The following CHN1 variants were observed in gnomAD, a reference collection of about 807,000 sequenced individuals.
CHN1 encodes N-chimaerin.
In CHN1, 37 loss-of-function variants were observed where a neutral mutation model predicts 59.5. The ratio of observed to expected loss-of-function variants is 0.62; its 90% CI spans 0.48 to 0.82. CHN1 has a LOEUF of 0.82. Among genes scored for constraint, CHN1 ranks in the 40% least tolerant of loss-of-function variants. CHN1 has a pLI of 0.00. For missense variants in CHN1, 469 were observed against 571.0 expected, an observed-to-expected ratio of 0.82 and a Z score of 1.82; for synonymous variants, 206 against 200.4, an observed-to-expected ratio of 1.03 and a Z score of -0.24.
intron 1 of CHN1, among the ~76,000 whole-genome samples, 186 bp downstream of exon 1, chr2:175,004,708 G>A (rs958368825): frequency 1.2e-4 from 18 of 152,034 alleles, no homozygotes; most frequent in South Asian, 2.1e-4. Flanking sequence ...CCTGCCGGGA[G>A]AGGAAACAAT....
At chr2:174,845,385 G>T (rs1193437444) in intron 7 of CHN1, among the ~76,000 whole-genome samples, 1 of 151,984 alleles carries the variant, frequency 6.6e-6, no homozygotes, top group Non-Finnish European at 1.5e-5. Flanking sequence ...GATTTATTTG[G>T]GGTCATTTTC....
chr2:174,994,275 C>A (rs1313795541), intron 1 of CHN1, among the ~76,000 whole-genome samples: 1 of 152,090 alleles, frequency 6.6e-6, no homozygotes, highest in African/African-American at 2.4e-5. Context: ...TTGGGGAATC[C>A]ATATTAGAAT....
chr2:175,001,986 A>C (rs1231452026), intron 1 of CHN1, among the ~76,000 whole-genome samples: 2 of 152,236 alleles, frequency 1.3e-5, no homozygotes. Flanking sequence ...ATTAGTTAAT[A>C]GTTAAGTGCC....
intron 7 of CHN1, among the ~76,000 whole-genome samples, chr2:174,832,966 A>G (rs1315120421): frequency 6.6e-6 from 1 of 152,144 alleles, no homozygotes; most frequent in Admixed American, 6.5e-5. Flanking sequence ...TTATACTCTT[A>G]TGGGACCACT....
rs138064942 is a variant in CHN1 at position 174,830,232 on chromosome 2, CAAAAAAA to C, written c.628-5721_628-5715del. On this transcript the variant is annotated intron_variant, in intron 7 of 12. Transcript: ENST00000409900. Reference sequence around the variant, plus strand: ...TGGGCTACAGAGCAAGACTCTGTCTCAAAAAAAAATAAAAAATAAAAAAATCATACCC... The same window carrying C: ...TGGGCTACAGAGCAAGACTCTGTCTCAATAAAAAATAAAAAAATCATACCC... Among the ~76,000 whole-genome samples, 594 of 148,604 alleles carry C rather than the reference CAAAAAAA, an allele frequency of 4.0e-3. 4 individuals are homozygous for C. Among genetic ancestry groups the C allele is most frequent in the African/African-American group, 0.014 (569 of 40,464 alleles).
chr2:174,806,185 G>C lies in CHN1; in HGVS notation c.1102+2720C>G, dbSNP rs573492679. On this transcript the variant is annotated intron_variant, in intron 11 of 12. Coordinates refer to ENST00000409900, the MANE Select transcript of CHN1 (RefSeq NM_001822.7). ...ACACAGACTTCAGGTGGGTTCATCA[G>C]GGAGTTTCCAGGGGCTTTGGAAGAA... 1.5e-4 allele frequency among the ~76,000 whole-genome samples: 23 copies of C among 152,256 alleles called. No individual in the cohort carries two copies. The South Asian group carries it at 3.9e-3, about 26-fold the overall frequency.
chr2:174,885,289 AAAATAT>A (rs1438537202), intron 5 of CHN1, among the ~76,000 whole-genome samples: 1 of 150,402 alleles, frequency 6.6e-6, no homozygotes, highest in African/African-American at 2.5e-5. Flanking sequence ...AAAAGAAAAA[AAAATAT>A]ATATATATAG....
At chr2:174,960,142 A>G (rs1690351376) in intron 1 of CHN1, among the ~76,000 whole-genome samples, 1 of 152,248 alleles carries the variant, frequency 6.6e-6, no homozygotes, top group African/African-American at 2.4e-5. Context: ...AGAAAAAAAC[A>G]TGAGAGTGTA....
At chr2:174,967,886 C>T (rs1293541276) in intron 1 of CHN1, among the ~76,000 whole-genome samples, 4 of 152,228 alleles carry the variant, frequency 2.6e-5, no homozygotes, top group African/African-American at 9.6e-5. Context: ...GTAGCACTGA[C>T]CTACTTGGAT....
intron 1 of CHN1, among the ~76,000 whole-genome samples, chr2:174,995,595 C>A (rs1691682910): frequency 6.6e-6 from 1 of 152,212 alleles, no homozygotes; most frequent in Non-Finnish European, 1.5e-5. Flanking sequence ...ACGGTTCACG[C>A]TCCTATGAGA....
At chr2:174,915,347 C>T in intron 4 of CHN1, 176 bp from the exon 5 acceptor site, 1 of 594,706 alleles carries the variant, frequency 1.7e-6, no homozygotes, top group South Asian at 2.0e-5. Context: ...ACCTGGCCCC[C>T]AGCCAGCTTC....
chr2:174,856,336 AT>A (rs1182504567), intron 6 of CHN1, among the ~76,000 whole-genome samples: 2 of 152,186 alleles, frequency 1.3e-5, no homozygotes. Context: ...TTAACATAAT[AT>A]CCATCTAAAC....
chr2:174,933,798 T>C (rs1012760468), intron 3 of CHN1, among the ~76,000 whole-genome samples: 12 of 152,080 alleles, frequency 7.9e-5, no homozygotes, highest in Non-Finnish European at 1.5e-4. Context: ...CTTAAGCAGA[T>C]AGAGAGGAAG....
intron 1 of CHN1, among the ~76,000 whole-genome samples, chr2:174,984,981 C>T (rs1396474875): frequency 6.6e-6 from 1 of 152,036 alleles, no homozygotes; most frequent in Non-Finnish European, 1.5e-5. Flanking sequence ...TGGTTATAAG[C>T]TTATATTTAG....
chr2:174,831,685 GA>G (rs1283249440), intron 7 of CHN1, among the ~76,000 whole-genome samples: 18 of 152,014 alleles, frequency 1.2e-4, no homozygotes, highest in African/African-American at 4.3e-4. Context: ...AGTTTCAGAA[GA>G]CAATTTCTTT....
chr2:174,852,718 G>T, intron 6 of CHN1, among the ~76,000 whole-genome samples: 1 of 152,060 alleles, frequency 6.6e-6, no homozygotes, highest in South Asian at 2.1e-4. Flanking sequence ...GCAAGGTACT[G>T]GTACAAAAAC....
At chr2:174,968,937 G>GAAT (rs1690672445) in intron 1 of CHN1, among the ~76,000 whole-genome samples, 2 of 152,144 alleles carry the variant, frequency 1.3e-5, no homozygotes, top group Admixed American at 1.3e-4. Flanking sequence ...ATCAATGTAA[G>GAAT]AATATTTAGT....
chr2:174,918,166 A>G (rs1558981150), intron 4 of CHN1, among the ~76,000 whole-genome samples: 1 of 152,174 alleles, frequency 6.6e-6, no homozygotes, highest in Non-Finnish European at 1.5e-5. Context: ...ATAAAAATAT[A>G]TAGAATAAAT....
chr2:174,970,293 C>A (rs1040588279), intron 1 of CHN1, among the ~76,000 whole-genome samples: 1 of 152,160 alleles, frequency 6.6e-6, no homozygotes, highest in Non-Finnish European at 1.5e-5. Context: ...GCTCCATTTT[C>A]ATAATAGTCA....
Sources: gnomAD v4.1 joint callset for allele counts (sites outside exome capture counted in the v4.1 genomes callset) on GRCh38, gnomAD v4.1.1 for gene constraint, MANE v1.5 for transcripts, NCBI Gene and HGNC (gene_info 2026-07-23, HGNC 2026-07-21) for gene names.